The following PLPPR4 variants were observed in gnomAD, a reference collection of about 807,000 sequenced individuals.
PLPPR4 encodes the protein phospholipid phosphatase-related protein type 4.
A neutral mutation model predicts 56.6 loss-of-function variants in PLPPR4; 24 were observed. That is an observed-to-expected ratio of 0.42 (90% CI 0.31 to 0.60). The LOEUF is 0.60. Among genes scored for constraint, PLPPR4 ranks in the 20% least tolerant of loss-of-function variants. The probability of loss-of-function intolerance (pLI) is 0.13; values close to 1 mark genes in which losing one functional copy is unlikely to be tolerated. For synonymous variants in PLPPR4, 326 were observed against 328.1 expected (o/e 0.99, Z 0.07); for missense variants, 654 against 885.8 (o/e 0.74, Z 3.32).
chr1:99,275,788 T>G (rs917037923), intron 1 of PLPPR4, among the ~76,000 whole-genome samples: 29 of 152,248 alleles, frequency 1.9e-4, no homozygotes, highest in African/African-American at 6.3e-4. Flanking sequence ...TACAAAAAAC[T>G]TTAAGAACTG....
At chr1:99,287,268 C>A (rs549474772) in intron 1 of PLPPR4, among the ~76,000 whole-genome samples, 10 of 151,518 alleles carry the variant, frequency 6.6e-5, no homozygotes, top group Non-Finnish European at 1.2e-4. Context: ...ATATATACCA[C>A]ATTTTCTCTA....
chr1:99,306,611 G>A lies in PLPPR4; in HGVS notation c.1749G>A (p.Arg583=). ...TTGAGGCTCACCCAGAGAACAACAGGCCCATCATACAGATCCCGTCCACTG... is the reference window on the plus strand; with the variant it reads ...TTGAGGCTCACCCAGAGAACAACAGACCCATCATACAGATCCCGTCCACTG... The part of the protein sequence containing the change: ...VRVEAHPENN[R]PIIQIPSTEG... The change falls in exon 7 of 7, where the codon AGG becomes AGA. Residue 583 remains arginine (R), a synonymous_variant. Transcript: ENST00000370185. This position sits in a 1 kb window ranked among gnomAD's most constrained non-coding sequence, Gnocchi z 4.0. The A allele has an allele frequency of 6.2e-7, 1 of 1,614,108 alleles. No homozygotes were observed. The highest frequency in any genetic ancestry group is 1.1e-5 in the South Asian group (1 of 91,082).
chr1:99,301,526 T>C (rs1659884160), intron 5 of PLPPR4, among the ~76,000 whole-genome samples, 198 bp from the exon 6 acceptor site: 1 of 152,088 alleles, frequency 6.6e-6, no homozygotes, highest in South Asian at 2.1e-4. Context: ...CCAACTTTCA[T>C]GTAATTAATT....
chr1:99,307,249 C>T lies in PLPPR4; in HGVS notation c.*239C>T, dbSNP rs541452600. 7.7e-5 allele frequency: 36 copies of T among 464,966 alleles called. No homozygotes were observed. In the South Asian group the frequency reaches 1.9e-3, roughly 25 times the overall value. The allele number at this position is 464,966 out of a possible 1,614,324, so 28.8% of individuals were successfully genotyped here. ...TATGAAGAGTTTTCTTAAGACCTGTCGTCAAACTTAAAAGGTTTTGCAGAG... is the reference window on the plus strand; with the variant it reads ...TATGAAGAGTTTTCTTAAGACCTGTTGTCAAACTTAAAAGGTTTTGCAGAG... On this transcript the variant is annotated 3_prime_UTR_variant, in exon 7 of 7. Transcript: ENST00000370185.
At position 99,306,807 on chromosome 1, in the gene PLPPR4, C is replaced by T; in HGVS notation, c.1945C>T (p.His649Tyr). The change falls in exon 7 of 7, where the codon CAC becomes TAC. Residue 649 changes from histidine to tyrosine, a missense_variant. This residue lies in a region of PLPPR4 where 468 missense variants were observed against 554.3 expected (regional missense o/e 0.84). Transcript: ENST00000370185. The surrounding 1 kb of genome is among the most constrained non-coding windows in gnomAD (Gnocchi z 4.0). ...RSNIDSNEHH[H>Y]HGITTIRVTP... The stretch of plus-strand genomic sequence containing the variant: ...CAACATTGATAGCAATGAGCATCAC[C>T]ACCACGGAATTACCACCATCCGCGT... 1 of 1,614,034 alleles carries T rather than the reference C, an allele frequency of 6.2e-7. No individual in the cohort carries two copies. The highest frequency in any genetic ancestry group is 8.5e-7 in the Non-Finnish European group (1 of 1,179,988).
chr1:99,273,804 G>A (rs1202346229), intron 1 of PLPPR4, among the ~76,000 whole-genome samples: 1 of 152,064 alleles, frequency 6.6e-6, no homozygotes, highest in Non-Finnish European at 1.5e-5. Context: ...CTAATCATAT[G>A]AACATAAATT....
chr1:99,306,829 G>C lies in PLPPR4; in HGVS notation c.1967G>C (p.Arg656Pro). The C allele has an allele frequency of 6.2e-7, 1 of 1,614,016 alleles. No homozygotes were observed. Among genetic ancestry groups the C allele is most frequent in the Non-Finnish European group, 8.5e-7 (1 of 1,179,984 alleles). The change falls in exon 7 of 7, where the codon CGC (arginine) becomes CCC (proline). Residue 656 changes from arginine to proline, a missense_variant. By Grantham distance (103) the Arg-to-Pro change is moderately radical (BLOSUM62 -2). Coordinates refer to ENST00000370185, the MANE Select transcript of PLPPR4 (RefSeq NM_014839.5). This position sits in a 1 kb window ranked among gnomAD's most constrained non-coding sequence, Gnocchi z 4.0. ...EHHHHGITTI[R>P]VTPVEGSEIG... ...CACCACCACGGAATTACCACCATCC[G>C]CGTCACCCCAGTAGAGGGCAGCGAA...
At chr1:99,294,423 C>T (rs142084585) in intron 2 of PLPPR4, among the ~76,000 whole-genome samples, 2 of 144,708 alleles carry the variant, frequency 1.4e-5, no homozygotes, top group African/African-American at 2.6e-5. Context: ...TGGCCGGGCG[C>T]GATGGCTCAT....
chr1:99,276,261 T>C (rs904630020), intron 1 of PLPPR4, among the ~76,000 whole-genome samples: 2 of 152,168 alleles, frequency 1.3e-5, no homozygotes, highest in Non-Finnish European at 2.9e-5. Flanking sequence ...GCTTGTGATA[T>C]GCTAGAGCGT....
intron 1 of PLPPR4, among the ~76,000 whole-genome samples, chr1:99,271,074 A>AT (rs1052273054): frequency 6.6e-6 from 1 of 152,078 alleles, no homozygotes; most frequent in African/African-American, 2.4e-5. Context: ...TCAAAATGTG[A>AT]TTTTTTTCTA....
intron 2 of PLPPR4, among the ~76,000 whole-genome samples, chr1:99,295,037 T>C (rs373990827): frequency 7.9e-5 from 12 of 152,362 alleles, no homozygotes; most frequent in African/African-American, 2.6e-4. Context: ...CTACACAGAG[T>C]ATAGAACCTA....
chr1:99,286,279 A>G (rs1197386754), intron 1 of PLPPR4, among the ~76,000 whole-genome samples: 2 of 152,208 alleles, frequency 1.3e-5, no homozygotes, highest in African/African-American at 4.8e-5. Flanking sequence ...TGTTAACTCT[A>G]GTCTAGTTAT....
Position 99,296,876 on chromosome 1 carries a change from G to T in PLPPR4, c.394+9G>T. 2.0e-6 allele frequency: 3 copies of T among 1,532,622 alleles called. No homozygotes were observed. In the South Asian group the frequency reaches 3.9e-5, roughly 20 times the overall value. 94.9% of individuals were successfully genotyped at this position (1,532,622 alleles called of 1,614,324 possible). ...AGCTGTCAGATTCGTTGGTGGGTGT[G>T]GGGAACCACAAAGAAAAGAAATGCT... On this transcript the variant is annotated intron_variant, in intron 3 of 6. Transcript: ENST00000370185.
chr1:99,301,455 T>C (rs553520178), intron 5 of PLPPR4, among the ~76,000 whole-genome samples: 12 of 152,194 alleles, frequency 7.9e-5, no homozygotes, highest in Admixed American at 2.6e-4. Flanking sequence ...AGCGAAATTA[T>C]ACGACAAGTA....
intron 1 of PLPPR4, among the ~76,000 whole-genome samples, chr1:99,286,619 T>G (rs922885374): frequency 2.6e-5 from 4 of 152,032 alleles, no homozygotes; most frequent in Non-Finnish European, 4.4e-5. Context: ...CATTAAATGA[T>G]GTAAAGAAGC....
intron 2 of PLPPR4, among the ~76,000 whole-genome samples, chr1:99,295,576 G>A (rs906752065): frequency 1.3e-5 from 2 of 152,082 alleles, no homozygotes; most frequent in Admixed American, 6.6e-5. Context: ...TCAGCTCCAC[G>A]CATTTATAGC....
intron 4 of PLPPR4, 27 bp from the exon 5 acceptor site, chr1:99,300,882 C>T: frequency 6.3e-7 from 1 of 1,581,036 alleles, no homozygotes; most frequent in South Asian, 1.1e-5. Flanking sequence ...AACTACAAGG[C>T]ATAATTTGAC....
intron 1 of PLPPR4, among the ~76,000 whole-genome samples, chr1:99,282,267 A>G (rs1409712442): frequency 2.6e-5 from 4 of 152,202 alleles, no homozygotes; most frequent in Non-Finnish European, 5.9e-5. Flanking sequence ...TGATCAAGCC[A>G]TAAACAAGGT....
intron 1 of PLPPR4, among the ~76,000 whole-genome samples, chr1:99,280,898 G>A (rs1258366381): frequency 6.6e-6 from 1 of 152,132 alleles, no homozygotes; most frequent in African/African-American, 2.4e-5. Context: ...ATTTTAAAAA[G>A]TCATAAATAT....
Sources: gnomAD v4.1 joint callset for allele counts (sites outside exome capture counted in the v4.1 genomes callset) on GRCh38, gnomAD v4.1.1 for gene constraint, gnomAD v4.1.1 regional missense constraint, Gnocchi (gnomAD v3.1) non-coding constraint, MANE v1.5 for transcripts, NCBI Gene and HGNC (gene_info 2026-07-23, HGNC 2026-07-21) for gene names.